Variants in PCMTD1 observed in about 807,000 individuals in gnomAD.
PCMTD1 encodes protein-L-isoaspartate (D-aspartate) O-methyltransferase domain containing 1.
In PCMTD1, 12 loss-of-function variants were observed where a neutral mutation model predicts 37.6. The ratio of observed to expected loss-of-function variants is 0.32; its 90% CI spans 0.20 to 0.52. The LOEUF is 0.52. PCMTD1 is among the 20% of genes least tolerant of loss of function. The probability of loss-of-function intolerance (pLI) is 0.97; values close to 1 mark genes in which losing one functional copy is unlikely to be tolerated. For synonymous variants in PCMTD1, 117 were observed against 135.8 expected, an observed-to-expected ratio of 0.86 and a Z score of 0.96; for missense variants, 235 against 421.3, an observed-to-expected ratio of 0.56 and a Z score of 3.87.
Position 51,818,153 on chromosome 8 carries a change from GC to G in PCMTD1, c.*2197del. On this transcript the variant is annotated 3_prime_UTR_variant, in exon 6 of 6. Coordinates refer to ENST00000522514, the MANE Select transcript of PCMTD1 (RefSeq NM_052937.4). ...TATATCTGCATTAATAGATAAAAAG[GC>G]TTTAGCTTTAATTTTCATTTTTCAT... 1 of 307,764 alleles carries G rather than the reference GC, an allele frequency of 3.2e-6. No homozygotes were observed. The highest frequency in any genetic ancestry group is 6.3e-6 in the Non-Finnish European group (1 of 158,620). 19.1% of individuals were successfully genotyped at this position (307,764 alleles called of 1,614,324 possible).
intron 1 of PCMTD1, among the ~76,000 whole-genome samples, chr8:51,872,287 C>T (rs894602732): frequency 1.3e-5 from 2 of 152,130 alleles, no homozygotes; most frequent in African/African-American, 4.8e-5. Context: ...TGCCTATTAC[C>T]AACACCCTCT....
At chr8:51,861,332 T>C in intron 1 of PCMTD1, 86 bp from the exon 2 acceptor site, 1 of 936,690 alleles carries the variant, frequency 1.1e-6, no homozygotes, top group Middle Eastern at 3.5e-4. Context: ...TCATTATAAT[T>C]AACTACCATT....
At chr8:51,856,153 AAAG>A (rs1338230834) in intron 2 of PCMTD1, among the ~76,000 whole-genome samples, 2 of 152,218 alleles carry the variant, frequency 1.3e-5, no homozygotes, top group Non-Finnish European at 2.9e-5. Context: ...CAAAATATAT[AAAG>A]AATACTAACA....
chr8:51,893,322 A>G (rs926355710), intron 1 of PCMTD1, among the ~76,000 whole-genome samples: 1 of 152,244 alleles, frequency 6.6e-6, no homozygotes, highest in African/African-American at 2.4e-5. Context: ...TAACTTCTGC[A>G]TGATAACCAT....
chr8:51,826,599 C>CA (rs1380105092), intron 5 of PCMTD1, among the ~76,000 whole-genome samples: 1 of 152,072 alleles, frequency 6.6e-6, no homozygotes, highest in African/African-American at 2.4e-5. Context: ...ATTTGTTTCC[C>CA]AAAAGGTAGG....
intron 2 of PCMTD1, among the ~76,000 whole-genome samples, chr8:51,860,234 C>T (rs185079186): frequency 1.3e-3 from 203 of 152,320 alleles, no homozygotes; most frequent in Non-Finnish European, 2.3e-3. Flanking sequence ...TGAGTTAATA[C>T]ACACATACTG....
intron 1 of PCMTD1, among the ~76,000 whole-genome samples, chr8:51,897,558 T>G (rs2039023573): frequency 6.6e-6 from 1 of 152,230 alleles, no homozygotes; most frequent in Non-Finnish European, 1.5e-5. Context: ...TTCAGCAACT[T>G]TATGTTTTAT....
At chr8:51,833,448 TA>T in intron 4 of PCMTD1, 69 bp downstream of exon 4, 1 of 1,295,230 alleles carries the variant, frequency 7.7e-7, no homozygotes, top group Non-Finnish European at 1.1e-6. Context: ...TTTCACTGAA[TA>T]AAATTTCTTA....
chr8:51,860,696 TTG>T (rs1233284012), intron 2 of PCMTD1, 147 bp downstream of exon 2: 5 of 656,654 alleles, frequency 7.6e-6, no homozygotes, highest in Non-Finnish European at 1.2e-5. Flanking sequence ...TACTACTACT[TTG>T]TGTTTTCACA....
At chr8:51,830,220 A>G (rs942484983) in intron 5 of PCMTD1, among the ~76,000 whole-genome samples, 3 of 151,902 alleles carry the variant, frequency 2.0e-5, no homozygotes, top group African/African-American at 7.3e-5. Flanking sequence ...TCTCCTCTTT[A>G]TCTCCACTCT....
intron 5 of PCMTD1, among the ~76,000 whole-genome samples, chr8:51,830,576 G>T (rs1035687416): frequency 2.0e-5 from 3 of 152,060 alleles, no homozygotes; most frequent in African/African-American, 7.2e-5. Context: ...TCTCCTGTGG[G>T]TGTAAGAAAA....
upstream of PCMTD1, chr8:51,899,105 CG>C (rs2039059902): frequency 1.4e-6 from 2 of 1,452,738 alleles, no homozygotes; most frequent in East Asian, 5.8e-5. Context: ...CGCCGGGGTC[CG>C]GGCATGCGCA....
chr8:51,820,751 T>C (rs2037835964), intron 5 of PCMTD1, 33 bp from the exon 6 acceptor site: 1 of 1,533,522 alleles, frequency 6.5e-7, no homozygotes, highest in Admixed American at 2.2e-5. Flanking sequence ...AGAAAGAAAA[T>C]ATTAACAATA....
In PCMTD1 at chr8:51,833,075, G is replaced by C. The variant is rs553377523; in HGVS notation, c.582+443C>G. The stretch of plus-strand genomic sequence containing the variant: ...GCCCAGACTGATCTTGAACTCCTGG[G>C]CTCAAGCGATCTGCCTGCCTCAGCC... On this transcript the variant is annotated intron_variant, in intron 4 of 5. Transcript: ENST00000522514. Among the ~76,000 whole-genome samples the C allele has an allele frequency of 3.9e-5, 6 of 152,296 alleles. No homozygotes were observed. In the East Asian group the frequency reaches 1.2e-3, roughly 29 times the overall value.
intron 1 of PCMTD1, among the ~76,000 whole-genome samples, chr8:51,889,664 CAAAGTTATACG>C (rs2038910317): frequency 6.6e-6 from 1 of 152,112 alleles, no homozygotes; most frequent in African/African-American, 2.4e-5. Context: ...TGACAAGATG[CAAAGTTATACG>C]AAAATGTGAA....
chr8:51,895,842 C>A (rs1350133475), intron 1 of PCMTD1: 1 of 152,008 alleles, frequency 6.6e-6, no homozygotes, highest in African/African-American at 2.4e-5. Flanking sequence ...TAACAATTGC[C>A]AGTAAAATGT....
chr8:51,835,286 T>C (rs559081032), intron 3 of PCMTD1, among the ~76,000 whole-genome samples: 1 of 152,348 alleles, frequency 6.6e-6, no homozygotes, highest in Non-Finnish European at 1.5e-5. Flanking sequence ...CAAGATATAG[T>C]TGAAATATCA....
chr8:51,832,090 G>A (rs975536865), intron 4 of PCMTD1, among the ~76,000 whole-genome samples: 6 of 151,968 alleles, frequency 3.9e-5, no homozygotes, highest in Non-Finnish European at 8.8e-5. Context: ...CACTGGTCAC[G>A]GGAAAAAAAT....
intron 2 of PCMTD1, among the ~76,000 whole-genome samples, chr8:51,852,801 A>C (rs925113677): frequency 3.9e-5 from 6 of 152,244 alleles, no homozygotes; most frequent in Non-Finnish European, 8.8e-5. Flanking sequence ...TGTAATTTAG[A>C]AGAAAAAAGT....
Sources: allele counts gnomAD v4.1 joint callset (sites outside exome capture counted in the v4.1 genomes callset), GRCh38; gene constraint gnomAD v4.1.1; transcripts MANE v1.5; gene names NCBI Gene and HGNC (gene_info 2026-07-23, HGNC 2026-07-21).